Variants in VEGFC observed in about 807,000 individuals in gnomAD.
The protein encoded by VEGFC is FLT4 ligand DHM.
Under a neutral mutation model 46.1 loss-of-function variants are expected in VEGFC, and 12 were observed. The ratio of observed to expected loss-of-function variants is 0.26; its 90% CI spans 0.17 to 0.42. The LOEUF (loss-of-function observed/expected upper bound fraction) is 0.42, where lower values mean the gene tolerates loss of function less well. VEGFC is among the 10% of genes least tolerant of loss of function. The pLI is 1.00. For missense variants in VEGFC, 488 were observed against 529.4 expected, an observed-to-expected ratio of 0.92 and a Z score of 0.77; for synonymous variants, 232 against 195.5, an observed-to-expected ratio of 1.19 and a Z score of -1.56.
intron 1 of VEGFC, among the ~76,000 whole-genome samples, chr4:176,773,694 T>A (rs1202936962): frequency 6.6e-6 from 1 of 152,100 alleles, no homozygotes; most frequent in Non-Finnish European, 1.5e-5. Flanking sequence ...TTGTTGTTGT[T>A]TTTTAAGAGA....
intron 4 of VEGFC, among the ~76,000 whole-genome samples, chr4:176,694,447 G>A (rs1734270351): frequency 6.6e-6 from 1 of 151,892 alleles, no homozygotes; most frequent in African/African-American, 2.4e-5. Context: ...AAATATATAT[G>A]CACCCAATAC....
intron 3 of VEGFC, among the ~76,000 whole-genome samples, chr4:176,713,937 A>G (rs911939011): frequency 2.0e-5 from 3 of 152,144 alleles, no homozygotes; most frequent in Non-Finnish European, 4.4e-5. Context: ...GATAACCAGC[A>G]CCCGATGTGG....
intron 4 of VEGFC, among the ~76,000 whole-genome samples, chr4:176,707,051 T>C (rs1227685082): frequency 6.6e-6 from 1 of 152,204 alleles, no homozygotes; most frequent in African/African-American, 2.4e-5. Context: ...CCTTTTATGT[T>C]CTTGTGTGTA....
intron 1 of VEGFC, among the ~76,000 whole-genome samples, chr4:176,755,106 G>T (rs996170191): frequency 2.0e-5 from 3 of 151,850 alleles, no homozygotes; most frequent in Non-Finnish European, 4.4e-5. Context: ...GTTCCAATTC[G>T]TATAGATGTA....
rs772812707 is a variant in VEGFC, at chr4:176,760,032, CAAAT to C, written c.148-30290_148-30287del. Reference sequence around the variant, plus strand: ...AGTTAATAACAAGGAGGACATAAAACAAATAAGTCGAAATGAGGTAATGCAGTTT... The same window carrying C: ...AGTTAATAACAAGGAGGACATAAAACAAGTCGAAATGAGGTAATGCAGTTT... On this transcript the variant is annotated intron_variant, in intron 1 of 6. Coordinates refer to ENST00000618562, the MANE Select transcript of VEGFC (RefSeq NM_005429.5). Among the ~76,000 whole-genome samples, 11 of 151,892 alleles carry C rather than the reference CAAAT, an allele frequency of 7.2e-5. 1 individual carries two copies. Among genetic ancestry groups the C allele is most frequent in the Non-Finnish European group, 1.0e-4 (7 of 67,938 alleles).
rs201025414 is a variant in VEGFC at position 176,692,419 on chromosome 4, AAAAAAAC to A, written c.705-4499_705-4493del. Among the ~76,000 whole-genome samples, 804 of 123,656 alleles carry A rather than the reference AAAAAAAC, an allele frequency of 6.5e-3. 47 individuals carry two copies. Among genetic ancestry groups the A allele is most frequent in the African/African-American group, 0.027 (639 of 23,566 alleles). 81.1% of individuals were successfully genotyped at this position (123,656 alleles called of 152,430 possible). A position where few individuals can be genotyped will look rare whatever the true frequency, so the allele number is the denominator to read the frequency against. ...AAAAACAAACAAACAAACAAACAAA[AAAAAAAC>A]AAAAAACGGCACACCACGAGATTAT... On this transcript the variant is annotated intron_variant, in intron 4 of 6. Transcript: ENST00000618562.
At chr4:176,688,435 T>C (rs1442822431) in intron 4 of VEGFC, among the ~76,000 whole-genome samples, 1 of 152,188 alleles carries the variant, frequency 6.6e-6, no homozygotes, top group Non-Finnish European at 1.5e-5. Context: ...GGAGGAAACA[T>C]CTATGTAAAT....
chr4:176,778,394 G>GA (rs34591455), intron 1 of VEGFC, among the ~76,000 whole-genome samples: 16,433 of 150,796 alleles, frequency 0.11, 2,217 homozygotes, highest in African/African-American at 0.32. Context: ...ACATATTTAG[G>GA]AAAAAAAAAA....
intron 1 of VEGFC, among the ~76,000 whole-genome samples, chr4:176,739,424 G>A (rs1371353459): frequency 6.6e-6 from 1 of 151,920 alleles, no homozygotes; most frequent in African/African-American, 2.4e-5. Flanking sequence ...AAAAAGGAAC[G>A]AGATCATGTC....
chr4:176,758,047 T>C (rs1735464306), intron 1 of VEGFC, among the ~76,000 whole-genome samples: 1 of 152,138 alleles, frequency 6.6e-6, no homozygotes, highest in Non-Finnish European at 1.5e-5. Context: ...CTTTTGTAAA[T>C]TACTCATTCA....
rs563971463 is a variant in VEGFC at position 176,690,069 on chromosome 4, G to GA, written c.705-2143dup. 1.7e-3 allele frequency among the ~76,000 whole-genome samples: 261 copies of GA among 152,232 alleles called. 1 individual carries two copies. Among genetic ancestry groups the GA allele is most frequent in the Non-Finnish European group, 2.9e-3 (198 of 67,984 alleles). On this transcript the variant is annotated intron_variant, in intron 4 of 6. Transcript: ENST00000618562. ...AGAGATTCCTGCACACATTTTTAGA[G>GA]AAAAAATTTCATACTGTTACTTCCA...
At chr4:176,791,252 G>C (rs1408997990) in intron 1 of VEGFC, among the ~76,000 whole-genome samples, 1 of 152,112 alleles carries the variant, frequency 6.6e-6, no homozygotes, top group African/African-American at 2.4e-5. Context: ...TGTTTGAACT[G>C]AAATGTCGAA....
rs1579132471 is a variant in VEGFC, at chr4:176,768,138, A to C, written c.147+24027T>G. Among the ~76,000 whole-genome samples the C allele has an allele frequency of 2.0e-5, 3 of 152,276 alleles. No individual in the cohort carries two copies. In the South Asian group the frequency reaches 6.2e-4, roughly 32 times the overall value. ...TCAGAAACGGAGAGATAAAAATTTC[A>C]ACTGGGAATGTTTAAATTTGAAGTG... On this transcript the variant is annotated intron_variant, in intron 1 of 6. Transcript: ENST00000618562.
intron 4 of VEGFC, among the ~76,000 whole-genome samples, chr4:176,701,458 C>CTGT (rs928713504): frequency 2.0e-5 from 3 of 152,174 alleles, no homozygotes; most frequent in Non-Finnish European, 4.4e-5. Context: ...ATATATTTTG[C>CTGT]TGTTATTTCT....
chr4:176,785,096 T>C (rs566748841), intron 1 of VEGFC, among the ~76,000 whole-genome samples: 3 of 152,258 alleles, frequency 2.0e-5, no homozygotes, highest in East Asian at 3.9e-4. Flanking sequence ...ACAGAGTGCA[T>C]AGGTTCTGCA....
intron 1 of VEGFC, among the ~76,000 whole-genome samples, chr4:176,774,404 A>G (rs1735776455): frequency 1.3e-5 from 2 of 152,180 alleles, no homozygotes; most frequent in South Asian, 4.1e-4. Context: ...TGAAAGCCAC[A>G]GAGCCAAATG....
chr4:176,685,791 A>G (rs1463167648), intron 6 of VEGFC, among the ~76,000 whole-genome samples: 2 of 152,168 alleles, frequency 1.3e-5, no homozygotes, highest in Admixed American at 1.3e-4. Context: ...AAATAAAATT[A>G]TACCTATGAT....
intron 4 of VEGFC, among the ~76,000 whole-genome samples, chr4:176,689,814 G>C (rs961423117): frequency 6.6e-6 from 1 of 152,104 alleles, no homozygotes; most frequent in Non-Finnish European, 1.5e-5. Context: ...CAAAGCAACT[G>C]TATGTTAGCA....
chr4:176,713,016 A>G (rs1734642614), intron 3 of VEGFC, among the ~76,000 whole-genome samples: 1 of 152,176 alleles, frequency 6.6e-6, no homozygotes, highest in Non-Finnish European at 1.5e-5. Flanking sequence ...TTTTTCTTTG[A>G]TAATCAGTAA....
Sources: gnomAD v4.1 joint callset for allele counts (sites outside exome capture counted in the v4.1 genomes callset) on GRCh38, gnomAD v4.1.1 for gene constraint, MANE v1.5 for transcripts, NCBI Gene and HGNC (gene_info 2026-07-23, HGNC 2026-07-21) for gene names.